The following VPS35L variants were observed in gnomAD, a reference collection of about 807,000 sequenced individuals.
VPS35L encodes the protein VPS35 endosomal protein-sorting factor-like.
A neutral mutation model predicts 133.0 loss-of-function variants in VPS35L; 83 were observed. The ratio of observed to expected loss-of-function variants is 0.62; its 90% confidence interval spans 0.52 to 0.75. VPS35L has a LOEUF of 0.75. Ranked by LOEUF, VPS35L falls within the 30% of genes least tolerant of loss-of-function variation. VPS35L has a pLI of 0.00. For synonymous variants in VPS35L, 423 were observed against 449.9 expected, an observed-to-expected ratio of 0.94 and a Z score of 0.76; for missense variants, 1,083 against 1,206.8, an observed-to-expected ratio of 0.90 and a Z score of 1.52.
intron 14 of VPS35L, among the ~76,000 whole-genome samples, chr16:19,624,813 T>A (rs1185955817): frequency 1.3e-5 from 2 of 152,114 alleles, no homozygotes; most frequent in African/African-American, 2.4e-5. Flanking sequence ...GGCTTTTGCA[T>A]CTGTAAAATG....
At chr16:19,603,696 C>T (rs1022373147) in intron 9 of VPS35L, among the ~76,000 whole-genome samples, 3 of 152,222 alleles carry the variant, frequency 2.0e-5, no homozygotes, top group East Asian at 1.9e-4. Flanking sequence ...AGGCCTTCTC[C>T]GCTGGCTTGA....
intron 26 of VPS35L, among the ~76,000 whole-genome samples, chr16:19,656,184 A>T (rs1262587609): frequency 6.6e-6 from 1 of 151,170 alleles, no homozygotes; most frequent in Admixed American, 6.6e-5. Context: ...GAATCGCTTG[A>T]ACCCAGGAGG....
At chr16:19,581,763 A>T (rs1386106247) in intron 7 of VPS35L, 110 bp downstream of exon 7, 4 of 1,279,682 alleles carry the variant, frequency 3.1e-6, no homozygotes, top group African/African-American at 3.2e-5. Flanking sequence ...TTGTTTTCTC[A>T]TCCCTTTCTT....
intron 26 of VPS35L, among the ~76,000 whole-genome samples, chr16:19,668,259 G>T (rs1974760723): frequency 6.6e-6 from 1 of 152,132 alleles, no homozygotes; most frequent in Non-Finnish European, 1.5e-5. Context: ...GAAAACATTT[G>T]ATCTTGTCGG....
At chr16:19,589,308 G>C (rs1971967628) in intron 7 of VPS35L, among the ~76,000 whole-genome samples, 1 of 152,088 alleles carries the variant, frequency 6.6e-6, no homozygotes, top group African/African-American at 2.4e-5. Context: ...CAGTGGGGCG[G>C]TCTCGGCTCA....
At chr16:19,676,846 T>C (rs1975079589) in intron 27 of VPS35L, among the ~76,000 whole-genome samples, 1 of 152,072 alleles carries the variant, frequency 6.6e-6, no homozygotes, top group Non-Finnish European at 1.5e-5. Context: ...TAACTACAAT[T>C]GCACAAAGCG....
At position 19,691,961 on chromosome 16, in the gene VPS35L, G is replaced by A. The variant is rs879540723; in HGVS notation, c.2646+490G>A. Among the ~76,000 whole-genome samples, 24 of 151,060 alleles carry A rather than the reference G, an allele frequency of 1.6e-4. 1 individual carries two copies. The highest frequency in any genetic ancestry group is 4.2e-4 in the South Asian group (2 of 4,788). Reference sequence around the variant, plus strand: ...ATAATCTCGGCTCACTGCAACCTCCGCCTCCCGGGTTCAGGCGATTCTCCT... The same window carrying A: ...ATAATCTCGGCTCACTGCAACCTCCACCTCCCGGGTTCAGGCGATTCTCCT... On this transcript the variant is annotated intron_variant, in intron 29 of 30. Transcript: ENST00000417362.
At position 19,642,381 on chromosome 16, in the gene VPS35L, T is replaced by C; in HGVS notation, c.1785-15T>C. The stretch of plus-strand genomic sequence containing the variant: ...GTGGACAAAACTTTGACTTTTATCT[T>C]TAAATGTCTCCTAGGCATCAACAAG... On this transcript the variant is annotated splice_polypyrimidine_tract_variant and intron_variant, in intron 21 of 30. Coordinates refer to ENST00000417362, the MANE Select transcript of VPS35L (RefSeq NM_020314.7). The C allele has an allele frequency of 6.2e-7, 1 of 1,610,568 alleles. No homozygotes were observed. Among genetic ancestry groups the C allele is most frequent in the Non-Finnish European group, 8.5e-7 (1 of 1,177,798 alleles).
intron 18 of VPS35L, among the ~76,000 whole-genome samples, chr16:19,631,281 A>G (rs1461384760): frequency 2.0e-5 from 3 of 152,192 alleles, no homozygotes; most frequent in Non-Finnish European, 4.4e-5. Context: ...TTGCTGCTCA[A>G]TGAATTTTCA....
chr16:19,609,208 C>T (rs1282950396), intron 11 of VPS35L, among the ~76,000 whole-genome samples, 187 bp downstream of exon 11: 1 of 152,102 alleles, frequency 6.6e-6, no homozygotes, highest in African/African-American at 2.4e-5. Flanking sequence ...CATCCTAATC[C>T]CCATATTAGA....
chr16:19,569,142 A>G, intron 2 of VPS35L: 1 of 604,946 alleles, frequency 1.7e-6, no homozygotes, highest in South Asian at 1.5e-5. Flanking sequence ...GGTTTGCTAC[A>G]TAGGGAACCC....
Position 19,700,481 on chromosome 16 carries a change from C to T in VPS35L, c.*5C>T, listed in dbSNP as rs1475032661. On this transcript the variant is annotated 3_prime_UTR_variant, in exon 31 of 31. Transcript: ENST00000417362. ...CCTCTGCAAACAAGGACCTGACCCC[C>T]GGGCCCATCCCCAGGCTCAGGGACT... 9.3e-6 allele frequency: 15 copies of T among 1,611,810 alleles called. No individual in the cohort carries two copies. Among genetic ancestry groups the T allele is most frequent in the Non-Finnish European group, 1.1e-5 (13 of 1,177,958 alleles).
chr16:19,631,855 CATGTGGAG>C (rs879433183), intron 18 of VPS35L, among the ~76,000 whole-genome samples: 1 of 151,048 alleles, frequency 6.6e-6, no homozygotes, highest in Non-Finnish European at 1.5e-5. Flanking sequence ...ACCACAGGCA[CATGTGGAG>C]ATGTAGAGAT....
intron 6 of VPS35L, 85 bp downstream of exon 6, chr16:19,579,213 T>TA (rs1324317512): frequency 2.4e-6 from 3 of 1,238,046 alleles, no homozygotes; most frequent in Non-Finnish European, 3.5e-6. Flanking sequence ...TGGCTGCTCT[T>TA]TGATTAATTC....
At position 19,646,273 on chromosome 16, in the gene VPS35L, C is replaced by G. The variant is rs142532280; in HGVS notation, c.1929+1324C>G. On this transcript the variant is annotated intron_variant, in intron 23 of 30. Coordinates refer to ENST00000417362, the MANE Select transcript of VPS35L (RefSeq NM_020314.7). ...CTTCCATGTCCTCTCTTTCTCACCA[C>G]TGTTCTCAGTCAGTGATTCCAGTTG... is the stretch of plus-strand genomic sequence containing the variant. Among the ~76,000 whole-genome samples the G allele has an allele frequency of 4.3e-3, 659 of 152,260 alleles. 5 individuals are homozygous for G. Among genetic ancestry groups the G allele is most frequent in the African/African-American group, 0.015 (633 of 41,544 alleles).
intron 8 of VPS35L, among the ~76,000 whole-genome samples, chr16:19,599,071 A>T (rs1972302331): frequency 6.6e-6 from 1 of 152,202 alleles, no homozygotes; most frequent in Non-Finnish European, 1.5e-5. Context: ...AGAGCCGCTG[A>T]TAAGGAAAGC....
At chr16:19,579,359 C>T (rs1408737323) in intron 6 of VPS35L, 3 of 480,306 alleles carry the variant, frequency 6.2e-6, no homozygotes, top group African/African-American at 5.8e-5. Flanking sequence ...ATTGTGATGC[C>T]TGAGCAAGGC....
intron 7 of VPS35L, among the ~76,000 whole-genome samples, chr16:19,587,687 A>G (rs1483013876): frequency 6.6e-6 from 1 of 152,112 alleles, no homozygotes; most frequent in South Asian, 2.1e-4. Context: ...AGACTACTTA[A>G]AAAACAAAAA....
chr16:19,667,625 T>C (rs1259460710), intron 26 of VPS35L, among the ~76,000 whole-genome samples: 1 of 149,718 alleles, frequency 6.7e-6, no homozygotes, highest in Non-Finnish European at 1.5e-5. Flanking sequence ...TCCCAGTTAC[T>C]GGGGAGGCTG....
Sources: gnomAD v4.1 joint callset for allele counts (sites outside exome capture counted in the v4.1 genomes callset) on GRCh38, gnomAD v4.1.1 for gene constraint, MANE v1.5 for transcripts, NCBI Gene and HGNC (gene_info 2026-07-23, HGNC 2026-07-21) for gene names.